Variants in LAMA2 observed in about 807,000 individuals in gnomAD.
LAMA2 encodes the protein laminin subunit alpha 2.
In LAMA2, 269 loss-of-function variants were observed where a neutral mutation model predicts 364.8. The observed-to-expected ratio is 0.74, with a 90% CI of 0.67 to 0.82. The LOEUF (loss-of-function observed/expected upper bound fraction) is 0.82, where lower values mean the gene tolerates loss of function less well. Among genes scored for constraint, LAMA2 ranks in the 40% least tolerant of loss-of-function variants. The probability of loss-of-function intolerance (pLI) is 0.00; values close to 1 mark genes in which losing one functional copy is unlikely to be tolerated. For synonymous variants in LAMA2, 1,379 were observed against 1,370.6 expected (o/e 1.01, Z -0.14); for missense variants, 3,807 against 3,873.2 (o/e 0.98, Z 0.45).
At chr6:128,929,941 C>A in intron 1 of LAMA2, 1 of 731,916 alleles carries the variant, frequency 1.4e-6, no homozygotes, top group Admixed American at 2.3e-5. Context: ...CCCACAGCCC[C>A]ACCTGGACCC....
In LAMA2 at chr6:129,009,998, A is replaced by G. The variant is rs1784666876; in HGVS notation, c.113-39920A>G. ...AAGGAGACAAAATTGATTCTAGCTT[A>G]TGGCTCAGTGTTTCAATGTTATTCT... On this transcript the variant is annotated intron_variant, in intron 1 of 64. Transcript: ENST00000421865. Among the ~76,000 whole-genome samples the G allele has an allele frequency of 2.0e-5, 3 of 152,146 alleles. No individual in the cohort carries two copies. In the South Asian group the frequency reaches 6.2e-4, roughly 31 times the overall value.
intron 28 of LAMA2, among the ~76,000 whole-genome samples, chr6:129,325,591 ACTCT>A (rs906336324): frequency 5.3e-5 from 8 of 151,292 alleles, no homozygotes; most frequent in South Asian, 2.1e-4. Flanking sequence ...GTTGTCAAAT[ACTCT>A]CTCTCTCTCT....
intron 22 of LAMA2, among the ~76,000 whole-genome samples, chr6:129,310,068 T>G (rs970430142): frequency 1.3e-5 from 2 of 151,088 alleles, no homozygotes; most frequent in Non-Finnish European, 2.9e-5. Flanking sequence ...CCCGGCTAAT[T>G]TTTTGTATTT....
At chr6:129,319,356 C>T (rs1021652037) in intron 27 of LAMA2, among the ~76,000 whole-genome samples, 4 of 152,106 alleles carry the variant, frequency 2.6e-5, no homozygotes, top group African/African-American at 7.2e-5. Flanking sequence ...CCTGAAGCCA[C>T]TCACATTTTA....
intron 40 of LAMA2, among the ~76,000 whole-genome samples, chr6:129,420,886 A>AG (rs1781039901): frequency 1.3e-5 from 2 of 152,086 alleles, no homozygotes; most frequent in African/African-American, 2.4e-5. Context: ...GTGTTCCATT[A>AG]TGGTAATGAT....
At chr6:129,326,420 C>T (rs530036770) in intron 28 of LAMA2, among the ~76,000 whole-genome samples, 4 of 152,140 alleles carry the variant, frequency 2.6e-5, no homozygotes, top group South Asian at 2.1e-4. Flanking sequence ...CCTTAGGGCT[C>T]GCCTTCACAT....
Position 128,954,587 on chromosome 6 carries a change from T to A in LAMA2, c.112+71230T>A, listed in dbSNP as rs1291140919. Among the ~76,000 whole-genome samples the A allele has an allele frequency of 2.6e-5, 4 of 152,022 alleles. No individual in the cohort carries two copies. The South Asian group carries it at 8.3e-4, about 31-fold the overall frequency. On this transcript the variant is annotated intron_variant, in intron 1 of 64. Coordinates refer to ENST00000421865, the MANE Select transcript of LAMA2 (RefSeq NM_000426.4). ...ATGTGGGTGTGGCATGTTGGCATTTTTACATTATCGATTCCTTGATTCAAT... is the reference window on the plus strand; with the variant it reads ...ATGTGGGTGTGGCATGTTGGCATTTATACATTATCGATTCCTTGATTCAAT...
At chr6:129,255,983 T>C (rs995272557) in intron 14 of LAMA2, among the ~76,000 whole-genome samples, 2 of 152,198 alleles carry the variant, frequency 1.3e-5, no homozygotes, top group African/African-American at 4.8e-5. Context: ...ATTCCATAAG[T>C]GTTGGATTCG....
At chr6:129,062,841 C>T (rs10456976) in intron 3 of LAMA2, among the ~76,000 whole-genome samples, 43,167 of 149,796 alleles carry the variant, frequency 0.29, 6,537 homozygotes, top group African/African-American at 0.39. Flanking sequence ...GACACATTTT[C>T]ATAAATTAGT....
chr6:129,420,081 G>A (rs763969524), intron 40 of LAMA2, among the ~76,000 whole-genome samples: 11 of 151,966 alleles, frequency 7.2e-5, no homozygotes, highest in Non-Finnish European at 1.3e-4. Flanking sequence ...ATGTGCATAC[G>A]AGTAATTACT....
chr6:128,918,946 C>T (rs1459062106), intron 1 of LAMA2, among the ~76,000 whole-genome samples: 1 of 152,090 alleles, frequency 6.6e-6, no homozygotes, highest in Admixed American at 6.6e-5. Context: ...TTAAATGTAT[C>T]AACGTAGGTA....
At chr6:129,366,033 C>A (rs1777754318) in intron 32 of LAMA2, among the ~76,000 whole-genome samples, 186 bp from the exon 33 acceptor site, 1 of 152,100 alleles carries the variant, frequency 6.6e-6, no homozygotes, top group African/African-American at 2.4e-5. Flanking sequence ...CATATCTGTT[C>A]TTTTGTTGTT....
At chr6:129,375,978 C>T (rs1396771840) in intron 34 of LAMA2, among the ~76,000 whole-genome samples, 1 of 152,146 alleles carries the variant, frequency 6.6e-6, no homozygotes, top group Non-Finnish European at 1.5e-5. Flanking sequence ...ATTCAGTTTC[C>T]TTCTATGGTG....
chr6:129,132,851 T>C (rs1179562263), intron 4 of LAMA2, among the ~76,000 whole-genome samples: 1 of 152,234 alleles, frequency 6.6e-6, no homozygotes, highest in African/African-American at 2.4e-5. Context: ...ATATTATTTT[T>C]ATTTACCTTT....
At chr6:128,922,736 G>T (rs1778819487) in intron 1 of LAMA2, among the ~76,000 whole-genome samples, 4 of 152,142 alleles carry the variant, frequency 2.6e-5, no homozygotes, top group Admixed American at 2.0e-4. Context: ...GTCCATTTTG[G>T]CTTTTGTTGC....
intron 29 of LAMA2, among the ~76,000 whole-genome samples, chr6:129,338,073 T>A (rs1776056137): frequency 6.6e-6 from 1 of 152,194 alleles, no homozygotes; most frequent in Non-Finnish European, 1.5e-5. Flanking sequence ...CCAGAGAATA[T>A]TACAATATTT....
chr6:129,332,509 C>A (rs904308389), intron 29 of LAMA2, among the ~76,000 whole-genome samples: 1 of 152,052 alleles, frequency 6.6e-6, no homozygotes, highest in African/African-American at 2.4e-5. Flanking sequence ...TTAATCTCTT[C>A]CACAAATTTT....
intron 61 of LAMA2, among the ~76,000 whole-genome samples, chr6:129,506,673 T>C (rs1274600137): frequency 1.3e-5 from 2 of 152,148 alleles, no homozygotes; most frequent in Non-Finnish European, 2.9e-5. Context: ...ACACACTAGA[T>C]ACAAATGTGA....
chr6:129,417,169 G>T (rs188107961), intron 40 of LAMA2, among the ~76,000 whole-genome samples: 10 of 152,084 alleles, frequency 6.6e-5, no homozygotes, highest in African/African-American at 2.2e-4. Context: ...CACCATTTGC[G>T]GGGGGGTCCC....
Sources: gnomAD v4.1 joint callset for allele counts (sites outside exome capture counted in the v4.1 genomes callset) on GRCh38, gnomAD v4.1.1 for gene constraint, MANE v1.5 for transcripts, NCBI Gene and HGNC (gene_info 2026-07-23, HGNC 2026-07-21) for gene names.